NKAIN2: variants seen among roughly 807,000 people sequenced by gnomAD.
NKAIN2 encodes sodium/potassium transporting ATPase interacting 2.
Under a neutral mutation model 32.6 loss-of-function variants are expected in NKAIN2, and 14 were observed. That is an observed-to-expected ratio of 0.43 (90% confidence interval 0.28 to 0.67). NKAIN2 has a LOEUF of 0.67. NKAIN2 is among the 30% of genes least tolerant of loss of function. NKAIN2 has a pLI of 0.17. For synonymous variants in NKAIN2, 80 were observed against 87.2 expected (o/e 0.92, Z 0.46); for missense variants, 198 against 258.3 (o/e 0.77, Z 1.60).
chr6:123,973,371 G>C (rs1196274511), intron 1 of NKAIN2, among the ~76,000 whole-genome samples: 7 of 152,102 alleles, frequency 4.6e-5, no homozygotes, highest in Admixed American at 6.6e-5. Flanking sequence ...GTGAGGGAAA[G>C]AAATGGGGAA....
At chr6:124,714,904 A>T (rs1378907221) in intron 4 of NKAIN2, among the ~76,000 whole-genome samples, 1 of 152,092 alleles carries the variant, frequency 6.6e-6, no homozygotes, top group Non-Finnish European at 1.5e-5. Flanking sequence ...CCTCATTTAA[A>T]CTGGGAGAGC....
chr6:123,978,231 T>TA (rs1013874680), intron 1 of NKAIN2, among the ~76,000 whole-genome samples: 6 of 152,228 alleles, frequency 3.9e-5, no homozygotes, highest in African/African-American at 7.2e-5. Context: ...TACATTCAGA[T>TA]AAAAAAAGTG....
At chr6:123,995,445 G>T (rs540671677) in intron 1 of NKAIN2, among the ~76,000 whole-genome samples, 1 of 152,162 alleles carries the variant, frequency 6.6e-6, no homozygotes, top group Non-Finnish European at 1.5e-5. Flanking sequence ...TTACCTAAGG[G>T]ATTTCTAGTA....
At chr6:124,112,794 A>G (rs924738745) in intron 1 of NKAIN2, among the ~76,000 whole-genome samples, 2 of 149,874 alleles carry the variant, frequency 1.3e-5, no homozygotes, top group African/African-American at 4.9e-5. Flanking sequence ...AGTTATTTCC[A>G]GTGACTTCTA....
chr6:124,492,516 G>A (rs1217540166), intron 3 of NKAIN2, among the ~76,000 whole-genome samples: 1 of 151,784 alleles, frequency 6.6e-6, no homozygotes, highest in Non-Finnish European at 1.5e-5. Context: ...TTAAAATAGT[G>A]TCTCTTAGAT....
intron 4 of NKAIN2, among the ~76,000 whole-genome samples, chr6:124,705,498 A>G (rs1775014182): frequency 6.6e-6 from 1 of 152,020 alleles, no homozygotes; most frequent in African/African-American, 2.4e-5. Flanking sequence ...AGTGGAGAAA[A>G]GAAGAGTGCC....
At chr6:124,280,754 T>G (rs963959947) in intron 1 of NKAIN2, among the ~76,000 whole-genome samples, 1 of 152,190 alleles carries the variant, frequency 6.6e-6, no homozygotes, top group Non-Finnish European at 1.5e-5. Context: ...CAGCTACTCC[T>G]ACACATATTA....
chr6:124,516,113 T>C (rs537363401), intron 3 of NKAIN2, among the ~76,000 whole-genome samples: 40 of 152,274 alleles, frequency 2.6e-4, no homozygotes, highest in African/African-American at 9.1e-4. Context: ...TGAAGGAGCT[T>C]AATTCTAGTG....
intron 3 of NKAIN2, among the ~76,000 whole-genome samples, chr6:124,656,783 C>A (rs1411659715): frequency 2.0e-5 from 3 of 152,132 alleles, no homozygotes; most frequent in African/African-American, 7.2e-5. Flanking sequence ...CCCACATCTG[C>A]TACCAAGGAT....
intron 3 of NKAIN2, among the ~76,000 whole-genome samples, chr6:124,454,487 GT>G (rs1256703124): frequency 6.6e-6 from 1 of 151,966 alleles, no homozygotes; most frequent in Non-Finnish European, 1.5e-5. Flanking sequence ...AGTGATAATT[GT>G]TATTGCTTGA....
At chr6:123,871,683 C>T (rs1395924070) in intron 1 of NKAIN2, among the ~76,000 whole-genome samples, 3 of 152,146 alleles carry the variant, frequency 2.0e-5, no homozygotes, top group African/African-American at 4.8e-5. Context: ...ATAGACTTCT[C>T]GTATGGAAGT....
At chr6:124,539,872 C>T (rs1005092966) in intron 3 of NKAIN2, among the ~76,000 whole-genome samples, 11 of 152,186 alleles carry the variant, frequency 7.2e-5, no homozygotes, top group South Asian at 2.1e-4. Context: ...AAGTGTATGC[C>T]GCTATGCCCA....
At chr6:124,435,692 T>C (rs1775411471) in intron 3 of NKAIN2, among the ~76,000 whole-genome samples, 1 of 152,186 alleles carries the variant, frequency 6.6e-6, no homozygotes, top group Non-Finnish European at 1.5e-5. Context: ...AGGAAGTCTT[T>C]GCTGGATAGT....
chr6:124,016,048 A>C (rs1780558244), intron 1 of NKAIN2, among the ~76,000 whole-genome samples: 1 of 152,168 alleles, frequency 6.6e-6, no homozygotes, highest in African/African-American at 2.4e-5. Context: ...AAAAGTATTT[A>C]GATCATTTCC....
At chr6:124,432,917 T>C (rs1015545200) in intron 3 of NKAIN2, among the ~76,000 whole-genome samples, 1 of 152,090 alleles carries the variant, frequency 6.6e-6, no homozygotes, top group Non-Finnish European at 1.5e-5. Context: ...CCATCTTCCT[T>C]GTGAACTGGC....
At chr6:123,828,558 T>C (rs369813995) in intron 1 of NKAIN2, among the ~76,000 whole-genome samples, 11 of 152,194 alleles carry the variant, frequency 7.2e-5, no homozygotes, top group African/African-American at 2.4e-4. Flanking sequence ...TGTTATTCTA[T>C]GTCATTCCCC....
intron 3 of NKAIN2, among the ~76,000 whole-genome samples, chr6:124,618,591 A>C (rs1782993802): frequency 6.6e-6 from 1 of 152,224 alleles, no homozygotes; most frequent in Non-Finnish European, 1.5e-5. Context: ...TTGCTTTGTA[A>C]GGTTGTTCTC....
chr6:124,185,640 C>G (rs2114562356), intron 1 of NKAIN2, among the ~76,000 whole-genome samples: 3 of 152,252 alleles, frequency 2.0e-5, no homozygotes, highest in Admixed American at 2.0e-4. Context: ...CCTCTCCCTT[C>G]AAATACTTCA....
chr6:124,132,898 G>A (rs1302828769), intron 1 of NKAIN2, among the ~76,000 whole-genome samples: 7 of 152,206 alleles, frequency 4.6e-5, no homozygotes, highest in Admixed American at 1.3e-4. Flanking sequence ...CCATCTCTAG[G>A]GGAAGGGGGA....
Sources: allele counts gnomAD v4.1 joint callset (sites outside exome capture counted in the v4.1 genomes callset), GRCh38; gene constraint gnomAD v4.1.1; transcripts MANE v1.5; gene names NCBI Gene and HGNC (gene_info 2026-07-23, HGNC 2026-07-21).